The following POU2F1 variants were observed in gnomAD, a reference collection of about 807,000 sequenced individuals.
POU2F1 encodes POU domain, class 2, transcription factor 1.
A neutral mutation model predicts 84.9 loss-of-function variants in POU2F1; 16 were observed. The ratio of observed to expected loss-of-function variants is 0.19; its 90% confidence interval spans 0.13 to 0.29. POU2F1 has a LOEUF of 0.29. Ranked by LOEUF, POU2F1 falls within the 10% of genes least tolerant of loss-of-function variation. POU2F1 has a pLI of 1.00. For missense variants in POU2F1, 738 were observed against 942.6 expected, an observed-to-expected ratio of 0.78 and a Z score of 2.84; for synonymous variants, 368 against 368.3, an observed-to-expected ratio of 1.00 and a Z score of 0.01.
chr1:167,225,309 C>T (rs1267648871), intron 1 of POU2F1, among the ~76,000 whole-genome samples: 2 of 152,206 alleles, frequency 1.3e-5, no homozygotes, highest in African/African-American at 4.8e-5. Context: ...TAATTCCTTT[C>T]ATTTTGTCAT....
At chr1:167,253,094 T>A (rs1029982325) in intron 1 of POU2F1, among the ~76,000 whole-genome samples, 1 of 152,252 alleles carries the variant, frequency 6.6e-6, no homozygotes, top group African/African-American at 2.4e-5. Flanking sequence ...AAGAGCATGC[T>A]ATGATGAATT....
intron 7 of POU2F1, among the ~76,000 whole-genome samples, chr1:167,381,993 T>C (rs116755424): frequency 0.13 from 13,321 of 101,448 alleles, 1,855 homozygotes; most frequent in African/African-American, 0.36. Context: ...GTTAACATAG[T>C]TTTGTTCCTC....
At chr1:167,241,658 G>A (rs1488933542) in intron 1 of POU2F1, 1 of 151,424 alleles carries the variant, frequency 6.6e-6, no homozygotes, top group Non-Finnish European at 1.5e-5. Flanking sequence ...TATAATATTA[G>A]GCATATTAAT....
At chr1:167,297,053 A>T (rs1364321478) in intron 1 of POU2F1, among the ~76,000 whole-genome samples, 1 of 152,208 alleles carries the variant, frequency 6.6e-6, no homozygotes, top group African/African-American at 2.4e-5. Context: ...GAAATTAAAA[A>T]CCATAATTTA....
intron 1 of POU2F1, among the ~76,000 whole-genome samples, chr1:167,224,118 G>A (rs1291996386): frequency 1.3e-5 from 2 of 152,180 alleles, no homozygotes; most frequent in Non-Finnish European, 2.9e-5. Context: ...AGAAAAGGAT[G>A]GATGTTGTTA....
At chr1:167,370,099 T>G in intron 3 of POU2F1, 62 bp from the exon 4 acceptor site, 1 of 1,404,996 alleles carries the variant, frequency 7.1e-7, no homozygotes, top group South Asian at 1.3e-5. Context: ...TATTTAGTGA[T>G]GACAACCCCT....
At chr1:167,250,559 C>G (rs926172208) in intron 1 of POU2F1, among the ~76,000 whole-genome samples, 1 of 152,120 alleles carries the variant, frequency 6.6e-6, no homozygotes, top group African/African-American at 2.4e-5. Context: ...TGTTGACATT[C>G]CCCTCAGAGG....
In POU2F1 at chr1:167,365,437, A is replaced by G. The variant is rs1345136775; in HGVS notation, c.128-30A>G. 3 of 1,463,760 alleles carry G rather than the reference A, an allele frequency of 2.0e-6. No homozygotes were observed. In the East Asian group the frequency reaches 7.3e-5, roughly 36 times the overall value. 90.7% of individuals were successfully genotyped at this position (1,463,760 alleles called of 1,614,324 possible). A position where few individuals can be genotyped will look rare whatever the true frequency, so the allele number is the denominator to read the frequency against. On this transcript the variant is annotated intron_variant, in intron 2 of 15. Transcript: ENST00000367866. ...TGCTTTATTTCATTTATTTCTTTTA[A>G]TAGTTGAAATTATTTTGCTTGCTTT... is the stretch of plus-strand genomic sequence containing the variant.
chr1:167,340,913 G>A (rs1278410693), intron 2 of POU2F1, among the ~76,000 whole-genome samples: 3 of 152,120 alleles, frequency 2.0e-5, no homozygotes, highest in African/African-American at 4.8e-5. Flanking sequence ...TTCAGTGTAG[G>A]GGAAAAGTGT....
At chr1:167,380,270 G>C (rs181945759) in intron 7 of POU2F1, 39 of 152,304 alleles carry the variant, frequency 2.6e-4, no homozygotes, top group Admixed American at 2.5e-3. Context: ...TCACCTCTAA[G>C]AGTTGTAGGG....
intron 1 of POU2F1, among the ~76,000 whole-genome samples, chr1:167,223,729 GA>G (rs112059329): frequency 4.0e-4 from 59 of 146,690 alleles, no homozygotes; most frequent in African/African-American, 5.0e-4. Flanking sequence ...AATGCAGCAG[GA>G]AAAAAAAAAA....
At chr1:167,311,513 AAT>A (rs1655468104) in intron 1 of POU2F1, among the ~76,000 whole-genome samples, 1 of 152,202 alleles carries the variant, frequency 6.6e-6, no homozygotes, top group African/African-American at 2.4e-5. Flanking sequence ...TCCATATAAC[AAT>A]GTTTCAGTCA....
chr1:167,234,003 A>T (rs1395337104), intron 1 of POU2F1, among the ~76,000 whole-genome samples: 1 of 152,200 alleles, frequency 6.6e-6, no homozygotes, highest in Non-Finnish European at 1.5e-5. Flanking sequence ...CAGGTTAGGA[A>T]ACCGAGGCTT....
intron 1 of POU2F1, among the ~76,000 whole-genome samples, chr1:167,233,076 T>A (rs1278145302): frequency 1.3e-5 from 2 of 152,106 alleles, no homozygotes; most frequent in African/African-American, 2.4e-5. Context: ...ATACCATTTT[T>A]AAATCTTTTA....
chr1:167,310,039 A>T (rs1323160491), intron 1 of POU2F1, among the ~76,000 whole-genome samples: 1 of 152,166 alleles, frequency 6.6e-6, no homozygotes, highest in East Asian at 1.9e-4. Flanking sequence ...ATTCCAAAAA[A>T]ATCAAGGAGT....
intron 9 of POU2F1, among the ~76,000 whole-genome samples, chr1:167,390,835 G>C (rs1000793969): frequency 6.6e-6 from 1 of 152,036 alleles, no homozygotes; most frequent in Admixed American, 6.6e-5. Flanking sequence ...ATAACTTTTT[G>C]GAAGAGAGAG....
rs528907072 is a variant in POU2F1 at position 167,359,230 on chromosome 1, A to G, written c.128-6237A>G. On this transcript the variant is annotated intron_variant, in intron 2 of 15. Transcript: ENST00000367866. ...TATTTTTGTTTTAGATGTAGGGGGT[A>G]AATGCACAGGTTTGTTACATGGGTA... Among the ~76,000 whole-genome samples the G allele has an allele frequency of 1.7e-3, 255 of 151,978 alleles. 1 individual carries two copies. Among genetic ancestry groups the G allele is most frequent in the African/African-American group, 6.0e-3 (249 of 41,446 alleles).
chr1:167,407,281 T>C (rs1032552608), intron 13 of POU2F1, among the ~76,000 whole-genome samples: 3 of 152,118 alleles, frequency 2.0e-5, no homozygotes, highest in African/African-American at 4.8e-5. Context: ...TCACCCACCT[T>C]GGCCTCCCAA....
intron 1 of POU2F1, among the ~76,000 whole-genome samples, chr1:167,290,376 G>A (rs528742030): frequency 2.9e-4 from 44 of 152,228 alleles, no homozygotes; most frequent in Admixed American, 4.6e-4. Context: ...CAGCCTGGGC[G>A]ACAGAGCAAG....
Sources: allele counts gnomAD v4.1 joint callset (sites outside exome capture counted in the v4.1 genomes callset), GRCh38; gene constraint gnomAD v4.1.1; transcripts MANE v1.5; gene names NCBI Gene and HGNC (gene_info 2026-07-23, HGNC 2026-07-21).